Variants in NLRP12 observed in about 807,000 individuals in gnomAD.
The protein encoded by NLRP12 is NACHT, LRR and PYD domains-containing protein 12.
Under a neutral mutation model 91.2 loss-of-function variants are expected in NLRP12, and 108 were observed. That is an observed-to-expected ratio of 1.18 (90% CI 1.01 to 1.39). The LOEUF (loss-of-function observed/expected upper bound fraction) is 1.39. Ranked by LOEUF, NLRP12 falls within the 40% of genes most tolerant of loss-of-function variation. The pLI is 0.00. For synonymous variants in NLRP12, 613 were observed against 566.7 expected (o/e 1.08, Z -1.16); for missense variants, 1,530 against 1,352.7 (o/e 1.13, Z -2.06).
At chr19:53,823,469 A>ATTTTAAATATATAG (rs1314014988) in intron 1 of NLRP12, among the ~76,000 whole-genome samples, 1 of 106,634 alleles carries the variant, frequency 9.4e-6, no homozygotes, top group African/African-American at 3.5e-5. Context: ...TTAAATATAT[A>ATTTTAAATATATAG]TTTAAAATAT....
chr19:53,809,627 C>A lies in NLRP12; in HGVS notation c.2032G>T (p.Ala678Ser), dbSNP rs1204554159. The change falls in exon 3 of 10, where the codon GCG becomes TCG. Residue 678 changes from alanine to serine, a missense_variant. Transcript: ENST00000324134. ...GTGTGCGCTCCTGCGGAGCACCTCG[C>A]GCGGTCTTCCCCGTCCGCGCTGTAG... ...ATYSADGEDR[A>S]RCSAGAHTLL... The A allele has an allele frequency of 6.2e-7, 1 of 1,613,622 alleles. No homozygotes were observed. The highest frequency in any genetic ancestry group is 1.3e-5 in the African/African-American group (1 of 75,024).
intron 7 of NLRP12, among the ~76,000 whole-genome samples, chr19:53,800,653 G>T (rs539037841): frequency 6.6e-6 from 1 of 151,492 alleles, no homozygotes; most frequent in Non-Finnish European, 1.5e-5. Flanking sequence ...CTCCATCTCA[G>T]CTCACAGCAA....
intron 1 of NLRP12, 68 bp from the exon 2 acceptor site, chr19:53,815,056 C>G: frequency 8.6e-7 from 1 of 1,168,854 alleles, no homozygotes; most frequent in Admixed American, 1.7e-5. Context: ...ATATTAGCTG[C>G]GATTACGTCG....
intron 8 of NLRP12, 36 bp downstream of exon 8, chr19:53,798,207 G>A (rs768407179): frequency 7.4e-5 from 119 of 1,612,192 alleles, no homozygotes; most frequent in Non-Finnish European, 9.2e-5. Flanking sequence ...CTGTCCAAAC[G>A]TGACCACTGC....
At chr19:53,822,346 G>T (rs530014839) in intron 1 of NLRP12, among the ~76,000 whole-genome samples, 4 of 152,026 alleles carry the variant, frequency 2.6e-5, no homozygotes, top group African/African-American at 9.7e-5. Context: ...GCCAGGCAGT[G>T]GTCATTCATG....
intron 8 of NLRP12, among the ~76,000 whole-genome samples, chr19:53,796,745 C>A (rs930003858): frequency 3.3e-5 from 5 of 151,680 alleles, no homozygotes; most frequent in African/African-American, 1.2e-4. Context: ...GCCTGTAATT[C>A]CAGCACTTTG....
At chr19:53,801,768 A>C (rs572903900) in intron 6 of NLRP12, among the ~76,000 whole-genome samples, 1 of 151,654 alleles carries the variant, frequency 6.6e-6, no homozygotes, top group African/African-American at 2.4e-5. Flanking sequence ...CAATCTTAAC[A>C]GTAATGCATT....
intron 1 of NLRP12, among the ~76,000 whole-genome samples, chr19:53,817,975 G>T (rs977962795): frequency 3.3e-5 from 5 of 151,506 alleles, no homozygotes; most frequent in African/African-American, 9.7e-5. Flanking sequence ...TAGAGACAGG[G>T]TTTCACCATG....
In NLRP12 at chr19:53,809,485, C is replaced by T. The variant is rs57591159; in HGVS notation, c.2072+102G>A. 2.6e-3 allele frequency: 3,247 copies of T among 1,225,596 alleles called. 68 individuals carry two copies. In the African/African-American group the frequency reaches 0.046, roughly 17 times the overall value. 75.9% of individuals were successfully genotyped at this position (1,225,596 alleles called of 1,614,324 possible). A position where few individuals can be genotyped will look rare whatever the true frequency, so the allele number is the denominator to read the frequency against. On this transcript the variant is annotated intron_variant, in intron 3 of 9. Transcript: ENST00000324134. The stretch of plus-strand genomic sequence containing the variant: ...GGCGGAGGTTGCAGTGAGCTGAGGT[C>T]ACGCCAGTGTACTCCAGCCTAGGCA...
At position 53,810,828 on chromosome 19, in the gene NLRP12, C is replaced by G. The variant is rs371391087; in HGVS notation, c.831G>C (p.Ala277=). The G allele has an allele frequency of 3.7e-6, 6 of 1,613,960 alleles. No individual in the cohort carries two copies. The Admixed American group carries it at 1.0e-4, about 27-fold the overall frequency. The change falls in exon 3 of 10, where the codon GCG becomes GCC. Residue 277 remains alanine (A), a synonymous_variant. Transcript: ENST00000324134. Reference sequence around the variant, plus strand: ...GAACTCGGATGAGCTCCTGGAGAGGCGCGCTGGGCTCAGGCCAGCAGCTGA... The same window carrying G: ...GAACTCGGATGAGCTCCTGGAGAGGGGCGCTGGGCTCAGGCCAGCAGCTGA... The part of the protein sequence containing the change: ...LIFSCWPEPS[A]PLQELIRVPE...
At chr19:53,805,962 G>A (rs904595752) in intron 4 of NLRP12, among the ~76,000 whole-genome samples, 3 of 152,070 alleles carry the variant, frequency 2.0e-5, no homozygotes, top group Admixed American at 2.0e-4. Flanking sequence ...GGCCATGTGC[G>A]GTGGCTCAAG....
intron 1 of NLRP12, among the ~76,000 whole-genome samples, chr19:53,819,715 A>G (rs1216227977): frequency 6.8e-6 from 1 of 146,516 alleles, no homozygotes; most frequent in Non-Finnish European, 1.5e-5. Flanking sequence ...ACGTATATAT[A>G]TATGTATGTA....
At chr19:53,823,256 TTTA>T (rs1446313296) in intron 1 of NLRP12, among the ~76,000 whole-genome samples, 6 of 141,184 alleles carry the variant, frequency 4.2e-5, no homozygotes, top group Middle Eastern at 3.6e-3. Context: ...ATATATAATA[TTTA>T]TTATTTATAT....
At chr19:53,799,042 T>C (rs58893665) in intron 7 of NLRP12, among the ~76,000 whole-genome samples, 20,479 of 134,880 alleles carry the variant, frequency 0.15, 1,601 homozygotes, top group Middle Eastern at 0.2. Flanking sequence ...AGACAGAGTC[T>C]TGCAATGTCG....
intron 7 of NLRP12, among the ~76,000 whole-genome samples, chr19:53,798,873 A>C (rs2091819098): frequency 6.7e-6 from 1 of 150,064 alleles, no homozygotes; most frequent in Admixed American, 6.6e-5. Context: ...TCCCAAGTAG[A>C]TGGGATTACA....
chr19:53,812,135 CTT>C (rs748799339), intron 2 of NLRP12, among the ~76,000 whole-genome samples: 3 of 145,118 alleles, frequency 2.1e-5, no homozygotes, highest in Admixed American at 7.0e-5. Context: ...GCTTCTCAAA[CTT>C]TTTTTTTTTT....
At position 53,811,326 on chromosome 19, in the gene NLRP12, C is replaced by A. The variant is rs200289576; in HGVS notation, c.371-38G>T. On this transcript the variant is annotated intron_variant, in intron 2 of 9. Transcript: ENST00000324134. ...AATGAAGGTTTTGTGGAAGACTCATCAGCAGCCTCTAATGAGTTCACGAGG... is the reference window on the plus strand; with the variant it reads ...AATGAAGGTTTTGTGGAAGACTCATAAGCAGCCTCTAATGAGTTCACGAGG... 2.9e-5 allele frequency: 46 copies of A among 1,610,652 alleles called. No homozygotes were observed. The East Asian group carries it at 9.0e-4, about 31-fold the overall frequency.
At position 53,824,250 on chromosome 19, in the gene NLRP12, G is replaced by T; in HGVS notation, c.-76C>A. 1 of 1,453,692 alleles carries T rather than the reference G, an allele frequency of 6.9e-7. No individual in the cohort carries two copies. Among genetic ancestry groups the T allele is most frequent in the Non-Finnish European group, 9.5e-7 (1 of 1,047,684 alleles). 90.0% of individuals were successfully genotyped at this position (1,453,692 alleles called of 1,614,324 possible). ...ATGCACGGGACACAGGGCGACCCCA[G>T]CACACCTTCCATTGCATCATTCACA... On this transcript the variant is annotated 5_prime_UTR_variant, in exon 1 of 10. In the 5' UTR this introduces an upstream ATG that the reference lacks. Transcript: ENST00000324134.
chr19:53,799,984 C>T (rs903095394), intron 7 of NLRP12, among the ~76,000 whole-genome samples: 1 of 151,848 alleles, frequency 6.6e-6, no homozygotes, highest in Admixed American at 6.6e-5. Flanking sequence ...GGCAACAAAT[C>T]GAGACCTTGT....
Sources: gnomAD v4.1 joint callset for allele counts (sites outside exome capture counted in the v4.1 genomes callset) on GRCh38, gnomAD v4.1.1 for gene constraint, MANE v1.5 for transcripts, NCBI Gene and HGNC (gene_info 2026-07-23, HGNC 2026-07-21) for gene names.